ARHGAP10: variants seen among roughly 807,000 people sequenced by gnomAD.
The protein encoded by ARHGAP10 is rho GTPase-activating protein 10.
Under a neutral mutation model 108.6 loss-of-function variants are expected in ARHGAP10, and 87 were observed. The observed-to-expected ratio is 0.80, with a 90% confidence interval of 0.67 to 0.96. The LOEUF (loss-of-function observed/expected upper bound fraction) is 0.96. ARHGAP10 is among the 40% of genes least tolerant of loss of function. The pLI is 0.00. For missense variants in ARHGAP10, 939 were observed against 954.5 expected (o/e 0.98, Z 0.21); for synonymous variants, 347 against 341.1 (o/e 1.02, Z -0.19).
chr4:148,010,801 A>C (rs1182990651), intron 18 of ARHGAP10, among the ~76,000 whole-genome samples: 1 of 152,198 alleles, frequency 6.6e-6, no homozygotes, highest in East Asian at 1.9e-4. Context: ...TAAGAACACC[A>C]GGTGATTTGT....
At position 147,939,814 on chromosome 4, in the gene ARHGAP10, T is replaced by C; in HGVS notation, c.1229-11T>C. On this transcript the variant is annotated splice_polypyrimidine_tract_variant and intron_variant, in intron 13 of 22. Transcript: ENST00000336498. Reference sequence around the variant, plus strand: ...TCTTCTATTTTGCTAATAGTTTGTTTCTTCCCATAGGTATAAATGACCAAG... The same window carrying C: ...TCTTCTATTTTGCTAATAGTTTGTTCCTTCCCATAGGTATAAATGACCAAG... The C allele has an allele frequency of 6.2e-7, 1 of 1,613,054 alleles. No homozygotes were observed. The highest frequency in any genetic ancestry group is 8.5e-7 in the Non-Finnish European group (1 of 1,179,020).
chr4:147,732,761 T>TGG (rs937582730), intron 1 of ARHGAP10, among the ~76,000 whole-genome samples: 5 of 152,202 alleles, frequency 3.3e-5, no homozygotes, highest in African/African-American at 1.2e-4. Context: ...CGCGCTCCGC[T>TGG]GGACCGACCC....
intron 1 of ARHGAP10, among the ~76,000 whole-genome samples, chr4:147,801,200 C>T (rs1560766303): frequency 6.6e-6 from 1 of 152,296 alleles, no homozygotes; most frequent in Non-Finnish European, 1.5e-5. Flanking sequence ...ACATATCTCT[C>T]AGGGGTCTTA....
chr4:147,852,793 A>G (rs1003976779), intron 4 of ARHGAP10, among the ~76,000 whole-genome samples: 2 of 139,888 alleles, frequency 1.4e-5, no homozygotes, highest in Non-Finnish European at 3.0e-5. Context: ...ATCTTGGCTC[A>G]CTACAATCTC....
Position 147,831,905 on chromosome 4 carries a change from A to C in ARHGAP10, c.312+8948A>C, listed in dbSNP as rs17023933. 4.5e-3 allele frequency among the ~76,000 whole-genome samples: 689 copies of C among 152,258 alleles called. 10 individuals carry two copies. The South Asian group carries it at 0.048, about 10-fold the overall frequency. ...CCCTTTCCCTGCAAGGCCTTGCCCC[A>C]TGACTCAGTGTCCTCTCTGTTGGTG... On this transcript the variant is annotated intron_variant, in intron 3 of 22. Transcript: ENST00000336498.
intron 1 of ARHGAP10, among the ~76,000 whole-genome samples, chr4:147,767,949 T>C (rs890136042): frequency 3.9e-5 from 6 of 152,336 alleles, no homozygotes; most frequent in Admixed American, 6.5e-5. Context: ...AATTATGAAA[T>C]GTGTTATATA....
intron 3 of ARHGAP10, among the ~76,000 whole-genome samples, chr4:147,841,377 T>G (rs1457889822): frequency 6.6e-6 from 1 of 152,362 alleles, no homozygotes; most frequent in East Asian, 1.9e-4. Flanking sequence ...TGTTCTCTTA[T>G]CTAATTTCTA....
chr4:148,021,207 G>C (rs1391569986), intron 18 of ARHGAP10, among the ~76,000 whole-genome samples: 1 of 152,134 alleles, frequency 6.6e-6, no homozygotes, highest in Non-Finnish European at 1.5e-5. Flanking sequence ...GTCCTCTGCA[G>C]GGTCTCATTT....
intron 12 of ARHGAP10, among the ~76,000 whole-genome samples, chr4:147,910,671 C>CTTGATT (rs1189523941): frequency 6.6e-6 from 1 of 152,060 alleles, no homozygotes; most frequent in Non-Finnish European, 1.5e-5. Context: ...GCTCTGTACC[C>CTTGATT]TTGATTTTTT....
Position 147,765,337 on chromosome 4 carries a change from T to TGG in ARHGAP10, c.154+32892_154+32893dup, listed in dbSNP as rs1553947379. 9.0e-3 allele frequency among the ~76,000 whole-genome samples: 526 copies of TGG among 58,428 alleles called. 16 individuals carry two copies. The highest frequency in any genetic ancestry group is 0.025 in the African/African-American group (428 of 16,826). The allele number at this position is 58,428 out of a possible 152,430, so 38.3% of individuals were successfully genotyped here. The stretch of plus-strand genomic sequence containing the variant: ...GTGTGTGCTGTGGTGTGTGTGTGTG[T>TGG]GGGGGGGGGGGTGTGAGTGTGTGTA... On this transcript the variant is annotated intron_variant, in intron 1 of 22. Transcript: ENST00000336498.
At position 147,847,133 on chromosome 4, in the gene ARHGAP10, A is replaced by G. The variant is rs749494271; in HGVS notation, c.313-18A>G. On this transcript the variant is annotated intron_variant, in intron 3 of 22. Transcript: ENST00000336498. Reference sequence around the variant, plus strand: ...AAACCTAATGCTGTGCTCTTTTGTTATCACTCTTGTTCTCTAGGCATTAAG... The same window carrying G: ...AAACCTAATGCTGTGCTCTTTTGTTGTCACTCTTGTTCTCTAGGCATTAAG... The G allele has an allele frequency of 2.5e-6, 4 of 1,602,884 alleles. No individual in the cohort carries two copies. The highest frequency in any genetic ancestry group is 2.2e-5 in the East Asian group (1 of 44,812).
chr4:147,875,179 G>A, intron 8 of ARHGAP10, 29 bp downstream of exon 8: 1 of 1,532,532 alleles, frequency 6.5e-7, no homozygotes, highest in Admixed American at 2.4e-5. Context: ...GTGGCTGCGT[G>A]GCTGCTTAAA....
intron 18 of ARHGAP10, among the ~76,000 whole-genome samples, chr4:147,999,453 C>T (rs1740607644): frequency 6.6e-6 from 1 of 152,196 alleles, no homozygotes; most frequent in South Asian, 2.1e-4. Context: ...CTGCTGTTCG[C>T]TGCCATTGCA....
chr4:148,055,645 G>A (rs539232413), intron 20 of ARHGAP10, among the ~76,000 whole-genome samples: 3 of 152,278 alleles, frequency 2.0e-5, no homozygotes, highest in Middle Eastern at 3.4e-3. Flanking sequence ...CCAAGATTGC[G>A]CCACTGCACT....
chr4:147,889,821 T>G (rs1192454841), intron 10 of ARHGAP10, among the ~76,000 whole-genome samples: 1 of 152,214 alleles, frequency 6.6e-6, no homozygotes, highest in Non-Finnish European at 1.5e-5. Flanking sequence ...CAAGAGCTTT[T>G]ACTTATTTGT....
intron 13 of ARHGAP10, among the ~76,000 whole-genome samples, chr4:147,932,201 A>G (rs1737726653): frequency 6.6e-6 from 1 of 152,106 alleles, no homozygotes; most frequent in African/African-American, 2.4e-5. Flanking sequence ...GGAACACACT[A>G]TCGGTGGGAG....
Position 147,811,375 on chromosome 4 carries a change from A to C in ARHGAP10, c.155-11352A>C, listed in dbSNP as rs1180134717. 1.3e-5 allele frequency among the ~76,000 whole-genome samples: 2 copies of C among 152,182 alleles called. 1 individual carries two copies. Among genetic ancestry groups the C allele is most frequent in the African/African-American group, 4.8e-5 (2 of 41,444 alleles). ...TGTATATTGGGGTTCACTGCTCCCT[A>C]GGGAGTTTGGTCTACCTGAGGCATG... On this transcript the variant is annotated intron_variant, in intron 1 of 22. Transcript: ENST00000336498.
chr4:147,830,604 C>T (rs1553954554), intron 3 of ARHGAP10, among the ~76,000 whole-genome samples: 1 of 147,288 alleles, frequency 6.8e-6, no homozygotes, highest in Non-Finnish European at 1.5e-5. Context: ...ACTGCAACCT[C>T]TGCCTCTCAT....
At chr4:147,852,478 A>G (rs964510136) in intron 4 of ARHGAP10, among the ~76,000 whole-genome samples, 3 of 152,150 alleles carry the variant, frequency 2.0e-5, no homozygotes, top group Admixed American at 2.0e-4. Flanking sequence ...GGGGTAGGAT[A>G]GGGCAAATGA....
Sources: gnomAD v4.1 joint callset for allele counts (sites outside exome capture counted in the v4.1 genomes callset) on GRCh38, gnomAD v4.1.1 for gene constraint, MANE v1.5 for transcripts, NCBI Gene and HGNC (gene_info 2026-07-23, HGNC 2026-07-21) for gene names.